The following EXOC6 variants were observed in gnomAD, a reference collection of about 807,000 sequenced individuals.
EXOC6 encodes SEC15-like 1.
In EXOC6, 60 loss-of-function variants were observed where a neutral mutation model predicts 112.5. The observed-to-expected ratio is 0.53, with a 90% CI of 0.43 to 0.66. The LOEUF (loss-of-function observed/expected upper bound fraction) is 0.66, where lower values mean the gene tolerates loss of function less well. Ranked by LOEUF, EXOC6 falls within the 30% of genes least tolerant of loss-of-function variation. The pLI is 0.00. For missense variants in EXOC6, 855 were observed against 957.1 expected (o/e 0.89, Z 1.41); for synonymous variants, 295 against 308.0 (o/e 0.96, Z 0.44).
chr10:92,955,989 T>G (rs1853674923), intron 17 of EXOC6, among the ~76,000 whole-genome samples: 1 of 152,168 alleles, frequency 6.6e-6, no homozygotes, highest in Non-Finnish European at 1.5e-5. Flanking sequence ...CTAACTGAAT[T>G]AATATTTCAC....
chr10:93,012,887 A>C (rs1222603), intron 19 of EXOC6, among the ~76,000 whole-genome samples: 1,577 of 152,160 alleles, frequency 0.01, 30 homozygotes, highest in African/African-American at 0.036. Flanking sequence ...CCCCAAAAAA[A>C]CAAAAAAATC....
At chr10:92,882,973 G>A (rs1274072980) in intron 1 of EXOC6, among the ~76,000 whole-genome samples, 1 of 152,152 alleles carries the variant, frequency 6.6e-6, no homozygotes, top group Non-Finnish European at 1.5e-5. Context: ...GGATCCATAC[G>A]AGAGGCACAG....
intron 8 of EXOC6, 143 bp from the exon 9 acceptor site, chr10:92,928,196 T>C (rs41290178): frequency 0.013 from 6,709 of 507,378 alleles, 75 homozygotes; most frequent in Non-Finnish European, 0.017. Flanking sequence ...GCAAAACTTA[T>C]TCTTGACATT....
chr10:93,004,042 T>A (rs1843872616), intron 19 of EXOC6, among the ~76,000 whole-genome samples: 1 of 152,146 alleles, frequency 6.6e-6, no homozygotes, highest in South Asian at 2.1e-4. Context: ...TAGAAATTTG[T>A]ACTGGAATGA....
At chr10:92,932,254 T>C (rs1852081815) in intron 9 of EXOC6, among the ~76,000 whole-genome samples, 1 of 152,104 alleles carries the variant, frequency 6.6e-6, no homozygotes, top group South Asian at 2.1e-4. Flanking sequence ...GACAAAACTC[T>C]AGGACAGAAT....
intron 18 of EXOC6, among the ~76,000 whole-genome samples, chr10:92,984,197 C>G (rs1304814795): frequency 6.6e-6 from 1 of 152,152 alleles, no homozygotes; most frequent in Non-Finnish European, 1.5e-5. Flanking sequence ...GAGAATAATT[C>G]TAGCATCATG....
At chr10:92,950,711 A>G (rs1853357587) in intron 14 of EXOC6, among the ~76,000 whole-genome samples, 1 of 152,240 alleles carries the variant, frequency 6.6e-6, no homozygotes, top group Non-Finnish European at 1.5e-5. Context: ...TGGCCCTACT[A>G]AACAGTGTTA....
At chr10:92,935,215 A>G (rs1165278721) in intron 11 of EXOC6, among the ~76,000 whole-genome samples, 2 of 151,944 alleles carry the variant, frequency 1.3e-5, no homozygotes, top group African/African-American at 4.8e-5. Context: ...TTTTCCTAGC[A>G]TATTAATAAA....
At chr10:92,978,785 A>G (rs1313783297) in intron 18 of EXOC6, among the ~76,000 whole-genome samples, 1 of 152,200 alleles carries the variant, frequency 6.6e-6, no homozygotes, top group Admixed American at 6.5e-5. Context: ...TAACCCTCAA[A>G]GAAGCTTCAG....
At chr10:92,975,039 G>A (rs998388478) in intron 18 of EXOC6, among the ~76,000 whole-genome samples, 1 of 151,858 alleles carries the variant, frequency 6.6e-6, no homozygotes, top group Non-Finnish European at 1.5e-5. Context: ...TGTCTGGGAC[G>A]TGAGGAGCCC....
intron 1 of EXOC6, among the ~76,000 whole-genome samples, chr10:92,889,740 CT>C (rs887588837): frequency 4.0e-4 from 58 of 146,798 alleles, no homozygotes; most frequent in East Asian, 9.9e-4. Flanking sequence ...CAATTCTGTT[CT>C]TTTTTTTTTT....
intron 17 of EXOC6, among the ~76,000 whole-genome samples, chr10:92,964,250 A>C (rs949505537): frequency 2.0e-5 from 3 of 151,822 alleles, no homozygotes; most frequent in Non-Finnish European, 4.4e-5. Flanking sequence ...TATTTTTAAA[A>C]AATTATAATT....
At chr10:92,974,835 C>T (rs946117798) in intron 18 of EXOC6, among the ~76,000 whole-genome samples, 2 of 152,204 alleles carry the variant, frequency 1.3e-5, no homozygotes, top group Non-Finnish European at 2.9e-5. Context: ...CCCGAGGTGC[C>T]GGGATTGCAG....
At chr10:92,849,072 A>G (rs1481151753) in intron 1 of EXOC6, among the ~76,000 whole-genome samples, 1 of 151,758 alleles carries the variant, frequency 6.6e-6, no homozygotes, top group Non-Finnish European at 1.5e-5. Flanking sequence ...CGGAGGTGCC[A>G]GGTCGCGCGC....
intron 7 of EXOC6, among the ~76,000 whole-genome samples, chr10:92,917,647 C>T (rs1020658318): frequency 3.3e-5 from 5 of 151,502 alleles, no homozygotes; most frequent in Non-Finnish European, 7.4e-5. Flanking sequence ...ACTTCAGTCT[C>T]CCAAGTAGCT....
chr10:92,888,143 A>G (rs1025188747), intron 1 of EXOC6, among the ~76,000 whole-genome samples: 1 of 152,136 alleles, frequency 6.6e-6, no homozygotes, highest in East Asian at 1.9e-4. Context: ...TTACGGTTCT[A>G]TTTTTTAATA....
At position 92,940,804 on chromosome 10, in the gene EXOC6, G is replaced by C; in HGVS notation, c.1290G>C (p.Lys430Asn). The C allele has an allele frequency of 6.2e-7, 1 of 1,608,890 alleles. No homozygotes were observed. The highest frequency in any genetic ancestry group is 8.5e-7 in the Non-Finnish European group (1 of 1,178,074). Residue 430 changes from lysine to asparagine, a missense_variant, in exon 13 of 22, where the codon AAG (lysine) becomes AAC (asparagine). Around this residue, in one of 2 missense-constraint regions of EXOC6, gnomAD observed 450 missense variants for 563.5 expected, o/e 0.80. Coordinates refer to ENST00000260762, the MANE Select transcript of EXOC6 (RefSeq NM_019053.6). Reference protein sequence around the residue: ...IRDQYNETLLKKWAGVFRDIF... With the variant: ...IRDQYNETLLNKWAGVFRDIF... ...ACCAATACAATGAAACACTGCTTAAGAAATGGGCTGGAGTTTTCAGGTTAG... is the reference window on the plus strand; with the variant it reads ...ACCAATACAATGAAACACTGCTTAACAAATGGGCTGGAGTTTTCAGGTTAG...
chr10:92,859,820 CATGTGTGT>C (rs1310487619), intron 1 of EXOC6, among the ~76,000 whole-genome samples: 58 of 103,474 alleles, frequency 5.6e-4, no homozygotes, highest in Admixed American at 2.3e-3. Context: ...CGTTTGTGTG[CATGTGTGT>C]GTGTGTGTGT....
intron 17 of EXOC6, among the ~76,000 whole-genome samples, chr10:92,957,528 T>G (rs1853760561): frequency 1.3e-5 from 2 of 152,218 alleles, no homozygotes. Context: ...CATTGCATAC[T>G]CCTTGGTGTA....
Sources: gnomAD v4.1 joint callset for allele counts (sites outside exome capture counted in the v4.1 genomes callset) on GRCh38, gnomAD v4.1.1 for gene constraint, gnomAD v4.1.1 regional missense constraint, MANE v1.5 for transcripts, NCBI Gene and HGNC (gene_info 2026-07-23, HGNC 2026-07-21) for gene names.